Variants in ERBB4 observed in about 807,000 individuals in gnomAD.
ERBB4 encodes erb-b2 receptor tyrosine kinase 4.
Under a neutral mutation model 158.0 loss-of-function variants are expected in ERBB4, and 42 were observed. The observed-to-expected ratio is 0.27, with a 90% confidence interval of 0.21 to 0.34. The LOEUF (loss-of-function observed/expected upper bound fraction) is 0.34, where lower values mean the gene tolerates loss of function less well. ERBB4 is among the 10% of genes least tolerant of loss of function. The pLI is 1.00. For synonymous variants in ERBB4, 583 were observed against 558.7 expected, an observed-to-expected ratio of 1.04 and a Z score of -0.61; for missense variants, 1,333 against 1,624.1, an observed-to-expected ratio of 0.82 and a Z score of 3.08.
chr2:212,208,052 A>G (rs973629475), intron 1 of ERBB4, among the ~76,000 whole-genome samples: 5 of 152,200 alleles, frequency 3.3e-5, no homozygotes, highest in Non-Finnish European at 7.4e-5. Context: ...ACAGCTACTG[A>G]ACAAAGACTT....
At chr2:211,385,482 T>C (rs1454306421) in intron 27 of ERBB4, among the ~76,000 whole-genome samples, 5 of 152,156 alleles carry the variant, frequency 3.3e-5, no homozygotes, top group African/African-American at 4.8e-5. Context: ...GTGAACTTTA[T>C]GCTTAGTAAC....
At chr2:212,444,108 C>T (rs1319858844) in intron 1 of ERBB4, among the ~76,000 whole-genome samples, 1 of 152,190 alleles carries the variant, frequency 6.6e-6, no homozygotes, top group Non-Finnish European at 1.5e-5. Flanking sequence ...CTGCTACCCT[C>T]CTCCTCTTCC....
intron 3 of ERBB4, among the ~76,000 whole-genome samples, chr2:211,811,563 C>T (rs974518990): frequency 6.6e-6 from 1 of 152,100 alleles, no homozygotes; most frequent in Non-Finnish European, 1.5e-5. Context: ...GTTGGCCTGC[C>T]TTGCTAGGTT....
At chr2:211,959,624 T>C (rs1351961193) in intron 2 of ERBB4, among the ~76,000 whole-genome samples, 3 of 152,102 alleles carry the variant, frequency 2.0e-5, no homozygotes, top group Non-Finnish European at 4.4e-5. Context: ...TTCCCCTCTA[T>C]AGGAATTTTA....
chr2:212,513,015 C>T (rs1006018223), intron 1 of ERBB4, among the ~76,000 whole-genome samples: 3 of 152,184 alleles, frequency 2.0e-5, no homozygotes, highest in Admixed American at 2.0e-4. Context: ...CACTTTTCCA[C>T]TCTTCATCTA....
intron 20 of ERBB4, among the ~76,000 whole-genome samples, chr2:211,525,666 G>C (rs533204759): frequency 1.3e-5 from 2 of 152,236 alleles, no homozygotes; most frequent in South Asian, 4.1e-4. Context: ...TTAGGCCTTG[G>C]TTCTTGGATG....
chr2:211,725,222 T>C (rs1463512050), intron 5 of ERBB4, 28 bp from the exon 6 acceptor site: 6 of 1,544,622 alleles, frequency 3.9e-6, no homozygotes, highest in Admixed American at 1.7e-5. Context: ...AGGACCATGA[T>C]CAAAGTCTGC....
chr2:212,218,237 G>A (rs1162029973), intron 1 of ERBB4, among the ~76,000 whole-genome samples: 3 of 151,200 alleles, frequency 2.0e-5, no homozygotes, highest in African/African-American at 7.3e-5. Flanking sequence ...GTTCTGTGCG[G>A]CCTTAATGAA....
At chr2:211,853,266 G>A (rs1260355997) in intron 3 of ERBB4, among the ~76,000 whole-genome samples, 1 of 151,808 alleles carries the variant, frequency 6.6e-6, no homozygotes, top group Non-Finnish European at 1.5e-5. Context: ...CTTACCTATA[G>A]TACATCAATG....
chr2:211,482,293 C>A (rs1279678834), intron 20 of ERBB4, among the ~76,000 whole-genome samples: 5 of 152,160 alleles, frequency 3.3e-5, no homozygotes, highest in Admixed American at 2.0e-4. Context: ...CCTAAATAAT[C>A]TCTGTTCCCA....
At chr2:212,501,129 G>A (rs1690866019) in intron 1 of ERBB4, among the ~76,000 whole-genome samples, 1 of 152,160 alleles carries the variant, frequency 6.6e-6, no homozygotes, top group Non-Finnish European at 1.5e-5. Context: ...CAGTAGCAGA[G>A]TCTTTAATTA....
chr2:211,664,553 T>G (rs1326125297), intron 15 of ERBB4, among the ~76,000 whole-genome samples: 1 of 152,208 alleles, frequency 6.6e-6, no homozygotes, highest in East Asian at 1.9e-4. Context: ...AAGAAATACT[T>G]GTTGGAATTT....
At chr2:211,753,900 C>T (rs1009000527) in intron 4 of ERBB4, among the ~76,000 whole-genome samples, 4 of 147,366 alleles carry the variant, frequency 2.7e-5, no homozygotes, top group African/African-American at 1.0e-4. Context: ...CTCTGTCGCC[C>T]AGGCTGGAGT....
intron 1 of ERBB4, among the ~76,000 whole-genome samples, chr2:212,165,038 G>A (rs1369617029): frequency 6.6e-6 from 1 of 151,718 alleles, no homozygotes; most frequent in Non-Finnish European, 1.5e-5. Flanking sequence ...TTAATTAACT[G>A]TGGTTAGTCA....
At position 212,133,197 on chromosome 2, in the gene ERBB4, C is replaced by T. The variant is rs137933943; in HGVS notation, c.83-8294G>A. 2.7e-3 allele frequency among the ~76,000 whole-genome samples: 415 copies of T among 152,108 alleles called. 9 individuals carry two copies. Among genetic ancestry groups the T allele is most frequent in the East Asian group, 8.7e-3 (45 of 5,160 alleles). ...GTTTTTTTCAAAAATGTAAATTGTT[C>T]ATGTCACTCCCCTACTGAGAACAAC... On this transcript the variant is annotated intron_variant, in intron 1 of 27. Coordinates refer to ENST00000342788, the MANE Select transcript of ERBB4 (RefSeq NM_005235.3).
chr2:212,457,003 T>G (rs963661041), intron 1 of ERBB4, among the ~76,000 whole-genome samples: 5 of 152,010 alleles, frequency 3.3e-5, no homozygotes, highest in Non-Finnish European at 7.4e-5. Flanking sequence ...GTATTTACTC[T>G]ACAGGTGCCC....
At chr2:211,667,519 T>C (rs1428625409) in intron 14 of ERBB4, among the ~76,000 whole-genome samples, 1 of 152,032 alleles carries the variant, frequency 6.6e-6, no homozygotes, top group Non-Finnish European at 1.5e-5. Context: ...TTCTTATTTC[T>C]TCCCAAAAAA....
chr2:212,230,274 C>T (rs937602343), intron 1 of ERBB4, among the ~76,000 whole-genome samples: 13 of 151,918 alleles, frequency 8.6e-5, no homozygotes, highest in African/African-American at 2.9e-4. Context: ...AACAGCAAGA[C>T]TCTGTCTTGA....
intron 12 of ERBB4, among the ~76,000 whole-genome samples, chr2:211,693,935 G>A (rs568842774): frequency 2.0e-5 from 3 of 151,978 alleles, no homozygotes; most frequent in East Asian, 1.9e-4. Context: ...TCCAATAGTC[G>A]CTTCTGCTGT....
Sources: gnomAD v4.1 joint callset for allele counts (sites outside exome capture counted in the v4.1 genomes callset) on GRCh38, gnomAD v4.1.1 for gene constraint, MANE v1.5 for transcripts, NCBI Gene and HGNC (gene_info 2026-07-23, HGNC 2026-07-21) for gene names.